The following PDE4D variants were observed in gnomAD, a reference collection of about 807,000 sequenced individuals.
PDE4D encodes 3',5'-cyclic-AMP phosphodiesterase 4D.
Under a neutral mutation model 87.4 loss-of-function variants are expected in PDE4D, and 24 were observed. That is an observed-to-expected ratio of 0.27 (90% confidence interval 0.20 to 0.39). PDE4D has a LOEUF of 0.39. PDE4D is among the 10% of genes least tolerant of loss of function. The probability of loss-of-function intolerance (pLI) is 1.00; values close to 1 mark genes in which losing one functional copy is unlikely to be tolerated. For synonymous variants in PDE4D, 384 were observed against 383.2 expected (o/e 1.00, Z -0.02); for missense variants, 714 against 1,041.0 (o/e 0.69, Z 4.32).
intron 1 of PDE4D, among the ~76,000 whole-genome samples, chr5:59,810,601 A>AGAACC (rs1768240224): frequency 6.6e-6 from 1 of 152,084 alleles, no homozygotes; most frequent in Admixed American, 6.5e-5. Flanking sequence ...TGGACCATGC[A>AGAACC]TTTGCTCCCA....
At position 59,253,304 on chromosome 5, in the gene PDE4D, A is replaced by G. The variant is rs113382445; in HGVS notation, c.456-37336T>C. 1.4e-3 allele frequency among the ~76,000 whole-genome samples: 211 copies of G among 152,306 alleles called. 5 individuals carry two copies. The highest frequency in any genetic ancestry group is 4.8e-3 in the African/African-American group (199 of 41,578). On this transcript the variant is annotated intron_variant, in intron 1 of 14. Transcript: ENST00000340635. The stretch of plus-strand genomic sequence containing the variant: ...ATGTATAACTGTTTGAAAGGAATAC[A>G]TTTTATGATTAACATATCTTTATAT...
chr5:59,017,016 T>G (rs150362812), intron 6 of PDE4D, among the ~76,000 whole-genome samples: 2 of 152,062 alleles, frequency 1.3e-5, no homozygotes, highest in African/African-American at 4.8e-5. Flanking sequence ...GAAGGTGGTA[T>G]TTGGGAAGAG....
At chr5:60,294,281 C>A (rs922618054) in intron 1 of PDE4D, among the ~76,000 whole-genome samples, 3 of 152,052 alleles carry the variant, frequency 2.0e-5, no homozygotes, top group Non-Finnish European at 2.9e-5. Context: ...GAGCTATTTT[C>A]TTTGGTCTTT....
intron 1 of PDE4D, among the ~76,000 whole-genome samples, chr5:60,429,526 G>GCATC (rs1306381672): frequency 6.6e-6 from 1 of 152,112 alleles, no homozygotes; most frequent in African/African-American, 2.4e-5. Flanking sequence ...GTGAGAGTGG[G>GCATC]CATCCTTGTC....
intron 2 of PDE4D, among the ~76,000 whole-genome samples, chr5:60,099,595 A>T (rs1046547475): frequency 5.9e-5 from 9 of 151,982 alleles, no homozygotes; most frequent in African/African-American, 2.2e-4. Context: ...CAAAGGAAAT[A>T]CGGTTTACCG....
chr5:60,376,502 A>T (rs188091605), intron 1 of PDE4D, among the ~76,000 whole-genome samples: 1 of 152,106 alleles, frequency 6.6e-6, no homozygotes, highest in Non-Finnish European at 1.5e-5. Context: ...CGCATCCCAC[A>T]CTTCAATCTA....
At chr5:59,972,160 C>T (rs1463540454) in intron 3 of PDE4D, among the ~76,000 whole-genome samples, 1 of 152,152 alleles carries the variant, frequency 6.6e-6, no homozygotes, top group Non-Finnish European at 1.5e-5. Context: ...AGATTGACTA[C>T]ATTGAGGTTA....
chr5:60,468,234 G>T (rs1032395349), intron 1 of PDE4D, among the ~76,000 whole-genome samples: 9 of 150,370 alleles, frequency 6.0e-5, no homozygotes, highest in African/African-American at 2.2e-4. Flanking sequence ...TGCCTCCTGG[G>T]CTCAAGAAAT....
chr5:59,482,814 A>G (rs1007368247), intron 1 of PDE4D, among the ~76,000 whole-genome samples: 2 of 152,114 alleles, frequency 1.3e-5, no homozygotes, highest in African/African-American at 4.8e-5. Flanking sequence ...ACATAAATCT[A>G]CTATTTTACA....
chr5:59,944,785 A>G (rs1757566180), intron 3 of PDE4D, among the ~76,000 whole-genome samples: 1 of 151,890 alleles, frequency 6.6e-6, no homozygotes, highest in Non-Finnish European at 1.5e-5. Flanking sequence ...CCTCCCTGCC[A>G]TCTTCCTTTC....
chr5:59,587,412 G>T (rs780909587), intron 1 of PDE4D: 6 of 978,738 alleles, frequency 6.1e-6, no homozygotes, highest in Non-Finnish European at 7.3e-6. Flanking sequence ...CTGATGCTCT[G>T]ACATCTTCTG....
intron 2 of PDE4D, among the ~76,000 whole-genome samples, chr5:60,056,592 C>T (rs938225277): frequency 1.3e-5 from 2 of 151,924 alleles, no homozygotes; most frequent in Non-Finnish European, 2.9e-5. Context: ...TCTATGATTC[C>T]GTATATCTAT....
In PDE4D at chr5:59,111,554, T is replaced by C. The variant is rs533204566; in HGVS notation, c.808+69041A>G. ...ACAAATTCAGTTTATAACTAAGACA[T>C]TGTTTTGAGAAAAAAAAAGCCATAC... On this transcript the variant is annotated intron_variant, in intron 5 of 14. Transcript: ENST00000340635. 2.6e-5 allele frequency among the ~76,000 whole-genome samples: 4 copies of C among 152,194 alleles called. No homozygotes were observed. In the East Asian group the frequency reaches 7.7e-4, roughly 29 times the overall value.
At chr5:59,343,073 T>C (rs1488641591) in intron 1 of PDE4D, among the ~76,000 whole-genome samples, 1 of 151,960 alleles carries the variant, frequency 6.6e-6, no homozygotes. Context: ...TAGTATCCAT[T>C]AGTTATTTTT....
intron 1 of PDE4D, among the ~76,000 whole-genome samples, chr5:59,843,053 GTA>G (rs1428504904): frequency 6.6e-6 from 1 of 151,580 alleles, no homozygotes; most frequent in Non-Finnish European, 1.5e-5. Context: ...TTCACTAATT[GTA>G]TAAAAAATAT....
Position 60,138,328 on chromosome 5 carries a change from T to C in PDE4D, c.42+47229A>G, listed in dbSNP as rs555517751. Reference sequence around the variant, plus strand: ...TTGATGCAACCCCTTGTTAAAATATTGGGCAGAACACAGCCAAAGGAAGAA... The same window carrying C: ...TTGATGCAACCCCTTGTTAAAATATCGGGCAGAACACAGCCAAAGGAAGAA... On this transcript the variant is annotated intron_variant, in intron 2 of 16. Transcript: ENST00000502484. Among the ~76,000 whole-genome samples the C allele has an allele frequency of 9.9e-5, 15 of 152,242 alleles. No homozygotes were observed. In the East Asian group the frequency reaches 2.9e-3, roughly 29 times the overall value.
intron 1 of PDE4D, among the ~76,000 whole-genome samples, chr5:59,276,418 G>A (rs1764836335): frequency 6.6e-6 from 1 of 152,068 alleles, no homozygotes; most frequent in African/African-American, 2.4e-5. Flanking sequence ...TTTCAAAAAA[G>A]TATTTCACTG....
At chr5:59,580,455 C>T (rs1823903019) in intron 1 of PDE4D, among the ~76,000 whole-genome samples, 1 of 152,104 alleles carries the variant, frequency 6.6e-6, no homozygotes, top group Non-Finnish European at 1.5e-5. Context: ...TCATTGTCAA[C>T]ATTCTAATAA....
intron 1 of PDE4D, among the ~76,000 whole-genome samples, chr5:60,455,680 A>G (rs185985888): frequency 6.6e-5 from 10 of 152,298 alleles, no homozygotes; most frequent in Admixed American, 5.9e-4. Context: ...ATGAAATAAT[A>G]ATAGCAATTA....
Sources: allele counts gnomAD v4.1 joint callset (sites outside exome capture counted in the v4.1 genomes callset), GRCh38; gene constraint gnomAD v4.1.1; transcripts MANE v1.5; gene names NCBI Gene and HGNC (gene_info 2026-07-23, HGNC 2026-07-21).